Variants in ERBIN observed in about 807,000 individuals in gnomAD.
ERBIN encodes densin-180-like protein.
ERBIN carries 60 observed loss-of-function variants against 158.4 expected under a neutral mutation model. The ratio of observed to expected loss-of-function variants is 0.38; its 90% CI spans 0.31 to 0.47. The LOEUF (loss-of-function observed/expected upper bound fraction) is 0.47, where lower values mean the gene tolerates loss of function less well. ERBIN is among the 20% of genes least tolerant of loss of function. The pLI is 0.99. For missense variants in ERBIN, 1,610 were observed against 1,648.0 expected, an observed-to-expected ratio of 0.98 and a Z score of 0.40; for synonymous variants, 594 against 557.2, an observed-to-expected ratio of 1.07 and a Z score of -0.93.
chr5:65,930,668 T>G (rs1263566349), intron 1 of ERBIN, among the ~76,000 whole-genome samples: 2 of 152,214 alleles, frequency 1.3e-5, no homozygotes, highest in Non-Finnish European at 2.9e-5. Flanking sequence ...TTCTTAAAAT[T>G]GACTGTTAAG....
chr5:66,021,151 A>T (rs1361436062), intron 7 of ERBIN, among the ~76,000 whole-genome samples, 171 bp from the exon 8 acceptor site: 1 of 141,704 alleles, frequency 7.1e-6, no homozygotes, highest in Non-Finnish European at 1.6e-5. Context: ...TAATTATTTT[A>T]TCTAGAAATC....
chr5:65,965,974 G>A (rs1259721006), intron 1 of ERBIN, among the ~76,000 whole-genome samples: 1 of 152,204 alleles, frequency 6.6e-6, no homozygotes, highest in Non-Finnish European at 1.5e-5. Flanking sequence ...AAATGACGGT[G>A]CAGTTAACCT....
In ERBIN at chr5:66,023,302, G is replaced by C; in HGVS notation, c.610G>C (p.Glu204Gln). The C allele has an allele frequency of 6.2e-7, 1 of 1,613,056 alleles. No homozygotes were observed. The highest frequency in any genetic ancestry group is 8.5e-7 in the Non-Finnish European group (1 of 1,179,356). Residue 204 changes from glutamate (E) to glutamine (Q), a missense_variant, in exon 9 of 26, where the codon GAG (glutamate) becomes CAG (glutamine). Coordinates refer to ENST00000284037, the MANE Select transcript of ERBIN (RefSeq NM_001253697.2). ...CTAATCCCAACAGCCTGAAGTACTT[G>C]AGCAACTAAGTGGATTGAAAGAGTT... is the stretch of plus-strand genomic sequence containing the variant. The part of the protein sequence containing the change: ...NEFTEVPEVL[E>Q]QLSGLKEFWM...
At chr5:65,934,928 T>G (rs1435210622) in intron 1 of ERBIN, among the ~76,000 whole-genome samples, 2 of 152,138 alleles carry the variant, frequency 1.3e-5, no homozygotes, top group East Asian at 3.8e-4. Context: ...CCTCTTCCTT[T>G]TTTGAGTACT....
At chr5:66,000,299 A>G (rs1183181975) in intron 4 of ERBIN, among the ~76,000 whole-genome samples, 1 of 152,202 alleles carries the variant, frequency 6.6e-6, no homozygotes, top group Non-Finnish European at 1.5e-5. Flanking sequence ...TTATTACTCT[A>G]AAATGAGAAT....
chr5:65,940,693 G>C (rs1443057700), intron 1 of ERBIN, among the ~76,000 whole-genome samples: 1 of 37,010 alleles, frequency 2.7e-5, no homozygotes, highest in Non-Finnish European at 8.0e-5. Context: ...GGAGGGAGGT[G>C]GGGGGGTCAG....
chr5:66,033,068 A>G (rs184048144), intron 14 of ERBIN, among the ~76,000 whole-genome samples: 81 of 152,260 alleles, frequency 5.3e-4, no homozygotes, highest in Admixed American at 1.2e-3. Context: ...TTTCTTCTGT[A>G]TGGTTTCTGT....
At chr5:66,068,219 G>A (rs1761199027) in intron 21 of ERBIN, among the ~76,000 whole-genome samples, 1 of 151,644 alleles carries the variant, frequency 6.6e-6, no homozygotes, top group South Asian at 2.1e-4. Context: ...TGGTAATGAG[G>A]ACCTGTAGTC....
At chr5:66,046,048 C>T (rs975623733) in intron 17 of ERBIN, among the ~76,000 whole-genome samples, 8 of 152,084 alleles carry the variant, frequency 5.3e-5, no homozygotes, top group Non-Finnish European at 1.0e-4. Context: ...TTTAACCATC[C>T]GGAGTTGAGT....
intron 21 of ERBIN, among the ~76,000 whole-genome samples, chr5:66,062,524 A>G (rs1374121930): frequency 6.6e-6 from 1 of 151,000 alleles, no homozygotes; most frequent in Non-Finnish European, 1.5e-5. Context: ...GATCTTCTGA[A>G]GCCTTCCTCT....
chr5:66,020,656 A>G (rs1428207944), intron 7 of ERBIN, among the ~76,000 whole-genome samples: 1 of 75,542 alleles, frequency 1.3e-5, no homozygotes, highest in Non-Finnish European at 2.5e-5. Context: ...ATAGAAGTGC[A>G]ACATAGTTTA....
chr5:66,008,662 CT>C (rs988082166), intron 4 of ERBIN, among the ~76,000 whole-genome samples: 17 of 152,114 alleles, frequency 1.1e-4, no homozygotes, highest in African/African-American at 4.1e-4. Flanking sequence ...ACTATAACTC[CT>C]GGAAATAATA....
rs251613 is a variant in ERBIN, at chr5:65,978,585, G to T, written c.-57-10050G>T. The stretch of plus-strand genomic sequence containing the variant: ...TGTAGGTGAATGTGGCAGTTTGCCC[G>T]CCTGGGGGCAGGTGCCTAGTATCAG... On this transcript the variant is annotated intron_variant, in intron 1 of 25. Transcript: ENST00000284037. 2.0e-4 allele frequency among the ~76,000 whole-genome samples: 31 copies of T among 152,358 alleles called. No homozygotes were observed. The East Asian group carries it at 6.0e-3, about 29-fold the overall frequency.
intron 4 of ERBIN, among the ~76,000 whole-genome samples, chr5:66,009,226 C>T (rs1390594984): frequency 6.6e-6 from 1 of 152,182 alleles, no homozygotes; most frequent in East Asian, 1.9e-4. Context: ...AAGGGATGCT[C>T]TTGTAATATA....
At chr5:65,968,778 T>TC (rs1453129574) in intron 1 of ERBIN, among the ~76,000 whole-genome samples, 1 of 152,116 alleles carries the variant, frequency 6.6e-6, no homozygotes, top group Non-Finnish European at 1.5e-5. Context: ...CAGGCTGGTC[T>TC]CAAAACTCCA....
intron 11 of ERBIN, 137 bp from the exon 12 acceptor site, chr5:66,025,711 A>G: frequency 1.2e-6 from 1 of 843,668 alleles, no homozygotes; most frequent in Non-Finnish European, 1.8e-6. Context: ...AAACCTACTT[A>G]TTGGTGAAGT....
intron 1 of ERBIN, among the ~76,000 whole-genome samples, chr5:65,941,019 C>A (rs1307356379): frequency 1.3e-5 from 2 of 152,094 alleles, no homozygotes; most frequent in East Asian, 1.9e-4. Context: ...GACCCTACCC[C>A]CAACCCTGTG....
intron 1 of ERBIN, among the ~76,000 whole-genome samples, chr5:65,937,560 C>T (rs1744232485): frequency 6.6e-6 from 1 of 152,082 alleles, no homozygotes; most frequent in Non-Finnish European, 1.5e-5. Flanking sequence ...TGCTTTGTTA[C>T]TCTGCTTTTA....
intron 4 of ERBIN, among the ~76,000 whole-genome samples, chr5:66,011,205 A>G (rs1247698976): frequency 5.3e-5 from 8 of 152,226 alleles, no homozygotes; most frequent in African/African-American, 1.9e-4. Flanking sequence ...GAATATAAAT[A>G]TAGTTAGGAA....
Sources: gnomAD v4.1 joint callset for allele counts (sites outside exome capture counted in the v4.1 genomes callset) on GRCh38, gnomAD v4.1.1 for gene constraint, MANE v1.5 for transcripts, NCBI Gene and HGNC (gene_info 2026-07-23, HGNC 2026-07-21) for gene names.